RGS7: variants seen among roughly 807,000 people sequenced by gnomAD.
RGS7 encodes the protein regulator of G-protein signaling 7.
RGS7 carries 27 observed loss-of-function variants against 81.1 expected under a neutral mutation model. The observed-to-expected ratio is 0.33, with a 90% CI of 0.25 to 0.46. RGS7 has a LOEUF of 0.46. RGS7 is among the 20% of genes least tolerant of loss of function. The pLI is 1.00. For missense variants in RGS7, 396 were observed against 607.4 expected, an observed-to-expected ratio of 0.65 and a Z score of 3.66; for synonymous variants, 208 against 207.7, an observed-to-expected ratio of 1.00 and a Z score of -0.01.
At position 241,128,777 on chromosome 1, in the gene RGS7, CAA is replaced by C. The variant is rs71172680; in HGVS notation, c.79-30017_79-30016del. On this transcript the variant is annotated intron_variant, in intron 2 of 18. Coordinates refer to ENST00000440928, the MANE Select transcript of RGS7 (RefSeq NM_001364886.1). ...CTATTTGGACATGCAGAATAATAGG[CAA>C]AAAAAAAAAAAAAAAAAAAACTCTT... 7.3e-3 allele frequency among the ~76,000 whole-genome samples: 570 copies of C among 77,946 alleles called. 2 individuals carry two copies. Among genetic ancestry groups the C allele is most frequent in the South Asian group, 0.065 (110 of 1,680 alleles). The allele number at this position is 77,946 out of a possible 152,430, so 51.1% of individuals were successfully genotyped here. A position where few individuals can be genotyped will look rare whatever the true frequency, so the allele number is the denominator to read the frequency against.
intron 2 of RGS7, among the ~76,000 whole-genome samples, chr1:241,156,342 C>T (rs1172504581): frequency 6.6e-6 from 1 of 151,240 alleles, no homozygotes; most frequent in South Asian, 2.1e-4. Flanking sequence ...CTATGAAACA[C>T]AAACAAACAA....
chr1:241,287,618 C>T (rs1375727950), intron 2 of RGS7, among the ~76,000 whole-genome samples: 5 of 152,156 alleles, frequency 3.3e-5, no homozygotes, highest in Non-Finnish European at 7.4e-5. Context: ...ATCTACTTTT[C>T]CCGGTTTTAT....
intron 6 of RGS7, among the ~76,000 whole-genome samples, chr1:240,911,632 G>A (rs978328331): frequency 2.0e-5 from 3 of 152,136 alleles, no homozygotes; most frequent in Non-Finnish European, 2.9e-5. Context: ...CTATCTGTAA[G>A]TCTTGTAAAC....
intron 9 of RGS7, 129 bp from the exon 10 acceptor site, chr1:240,827,301 T>C: frequency 5.3e-6 from 4 of 754,722 alleles, no homozygotes; most frequent in Non-Finnish European, 9.5e-6. Context: ...GGAGGTGTTT[T>C]CTAGATGGCC....
chr1:241,275,058 A>G (rs4659595), intron 2 of RGS7, among the ~76,000 whole-genome samples: 127,085 of 152,204 alleles, frequency 0.83, 53,292 homozygotes, highest in East Asian at 1. Flanking sequence ...AGTGTACTAT[A>G]AGTGCACTTA....
At chr1:241,174,480 C>T (rs1275101637) in intron 2 of RGS7, among the ~76,000 whole-genome samples, 1 of 152,224 alleles carries the variant, frequency 6.6e-6, no homozygotes, top group African/African-American at 2.4e-5. Context: ...CTGCTGAGAA[C>T]TCAGTGCATT....
At chr1:241,126,487 T>C (rs2103018625) in intron 2 of RGS7, among the ~76,000 whole-genome samples, 2 of 152,284 alleles carry the variant, frequency 1.3e-5, no homozygotes, top group East Asian at 3.9e-4. Context: ...GCATGGGAGT[T>C]CATGCAACGG....
intron 2 of RGS7, among the ~76,000 whole-genome samples, chr1:241,138,325 G>T (rs550237613): frequency 7.1e-4 from 108 of 152,294 alleles, no homozygotes; most frequent in Non-Finnish European, 1.2e-3. Flanking sequence ...AACCAAAATT[G>T]TGGGGGGATC....
chr1:241,276,298 C>A (rs1385235840), intron 2 of RGS7, among the ~76,000 whole-genome samples: 2 of 152,174 alleles, frequency 1.3e-5, no homozygotes, highest in African/African-American at 4.8e-5. Flanking sequence ...AACAGTCTAT[C>A]AAGGGTTCAG....
intron 2 of RGS7, among the ~76,000 whole-genome samples, chr1:241,244,230 G>GA (rs2076407595): frequency 6.6e-6 from 1 of 151,994 alleles, no homozygotes; most frequent in African/African-American, 2.4e-5. Flanking sequence ...CTAATATCCA[G>GA]AATCTACAAT....
intron 2 of RGS7, among the ~76,000 whole-genome samples, chr1:241,295,492 C>G (rs909317186): frequency 6.6e-6 from 1 of 151,826 alleles, no homozygotes; most frequent in Non-Finnish European, 1.5e-5. Context: ...TACAAATATA[C>G]AGACATTAAT....
At chr1:241,350,588 C>T (rs530900903) in intron 2 of RGS7, among the ~76,000 whole-genome samples, 8 of 151,978 alleles carry the variant, frequency 5.3e-5, no homozygotes, top group South Asian at 2.1e-4. Context: ...TAAACCCAGA[C>T]GGATTAAGAA....
intron 2 of RGS7, among the ~76,000 whole-genome samples, chr1:241,110,330 G>A (rs1470983512): frequency 6.6e-6 from 1 of 152,132 alleles, no homozygotes; most frequent in Non-Finnish European, 1.5e-5. Context: ...CTTCTCTTGG[G>A]ACTTTTTTTA....
At chr1:241,237,820 C>T (rs1191406034) in intron 2 of RGS7, among the ~76,000 whole-genome samples, 1 of 152,142 alleles carries the variant, frequency 6.6e-6, no homozygotes, top group Non-Finnish European at 1.5e-5. Flanking sequence ...TAATTTGAGC[C>T]AGGAAAGCTG....
chr1:241,104,548 ATCTTT>A (rs1218624216), intron 2 of RGS7, among the ~76,000 whole-genome samples: 2 of 152,234 alleles, frequency 1.3e-5, no homozygotes, highest in Non-Finnish European at 2.9e-5. Context: ...CTTTGCTGTC[ATCTTT>A]TCTTGACAAA....
intron 9 of RGS7, among the ~76,000 whole-genome samples, chr1:240,862,769 A>T (rs1183833738): frequency 6.6e-6 from 1 of 152,256 alleles, no homozygotes; most frequent in East Asian, 1.9e-4. Flanking sequence ...GTGATATTTA[A>T]GCTTTTTATT....
At chr1:241,092,843 GAAC>G (rs201017523) in intron 3 of RGS7, among the ~76,000 whole-genome samples, 7,224 of 143,120 alleles carry the variant, frequency 0.05, 578 homozygotes, top group African/African-American at 0.18. Flanking sequence ...AAACTTAAAA[GAAC>G]AACAATAAAA....
At chr1:241,124,091 T>C (rs12064419) in intron 2 of RGS7, among the ~76,000 whole-genome samples, 3,567 of 152,154 alleles carry the variant, frequency 0.023, 129 homozygotes, top group African/African-American at 0.073. Context: ...GCTTAGAGAG[T>C]ATCCCTCTTA....
chr1:241,137,953 C>G (rs900293654), intron 2 of RGS7, among the ~76,000 whole-genome samples: 6 of 152,070 alleles, frequency 3.9e-5, no homozygotes. Flanking sequence ...GGCAGATCAC[C>G]TGAGGTCGGG....
Sources: allele counts gnomAD v4.1 joint callset (sites outside exome capture counted in the v4.1 genomes callset), GRCh38; gene constraint gnomAD v4.1.1; transcripts MANE v1.5; gene names NCBI Gene and HGNC (gene_info 2026-07-23, HGNC 2026-07-21).